Variants in PC observed in about 807,000 individuals in gnomAD.
PC encodes the protein pyruvate carboxylase, mitochondrial.
In PC, 46 loss-of-function variants were observed where a neutral mutation model predicts 107.8. The ratio of observed to expected loss-of-function variants is 0.43; its 90% CI spans 0.34 to 0.55. PC has a LOEUF of 0.55. PC is among the 20% of genes least tolerant of loss of function. The pLI, the probability that PC is intolerant of heterozygous loss-of-function variation, is 0.04. For missense variants in PC, 1,241 were observed against 1,643.1 expected (o/e 0.76, Z 4.23); for synonymous variants, 662 against 684.7 (o/e 0.97, Z 0.52).
chr11:66,927,231 A>G (rs1166619274), intron 3 of PC, among the ~76,000 whole-genome samples: 1 of 138,820 alleles, frequency 7.2e-6, no homozygotes, highest in Non-Finnish European at 1.5e-5. Context: ...GTAATTTTTA[A>G]CTATCCAGGC....
At chr11:66,874,578 A>G (rs1946902646) in intron 3 of PC, among the ~76,000 whole-genome samples, 1 of 152,196 alleles carries the variant, frequency 6.6e-6, no homozygotes, top group Admixed American at 6.5e-5. Context: ...CAAGGAAATA[A>G]GTAGAAGAAA....
At position 66,857,441 on chromosome 11, in the gene PC, A is replaced by C; in HGVS notation, c.1369-4058T>G. The C allele has an allele frequency of 3.0e-6, 1 of 338,702 alleles. No homozygotes were observed. The highest frequency in any genetic ancestry group is 5.3e-6 in the Non-Finnish European group (1 of 187,660). The allele number at this position is 338,702 out of a possible 1,614,324, so 21.0% of individuals were successfully genotyped here. A position where few individuals can be genotyped will look rare whatever the true frequency, so the allele number is the denominator to read the frequency against. ...TGGCGATTCCTGGGGACGCCTGGGAAAGGAAGTTCCGGGACCCTCCCTGCT... is the reference window on the plus strand; with the variant it reads ...TGGCGATTCCTGGGGACGCCTGGGACAGGAAGTTCCGGGACCCTCCCTGCT... On this transcript the variant is annotated intron_variant, in intron 12 of 22. Coordinates refer to ENST00000393960, the MANE Select transcript of PC (RefSeq NM_001040716.2). The surrounding 1 kb of genome is among the most constrained non-coding windows in gnomAD (Gnocchi z 7.1).
chr11:66,857,494 T>A lies in PC; in HGVS notation c.1369-4111A>T, dbSNP rs1351724757. 2 of 480,036 alleles carry A rather than the reference T, an allele frequency of 4.2e-6. No homozygotes were observed. Among genetic ancestry groups the A allele is most frequent in the Non-Finnish European group, 7.3e-6 (2 of 273,020 alleles). The allele number at this position is 480,036 out of a possible 1,614,324, so 29.7% of individuals were successfully genotyped here. On this transcript the variant is annotated intron_variant, in intron 12 of 22. Transcript: ENST00000393960. This position sits in a 1 kb window ranked among gnomAD's most constrained non-coding sequence, Gnocchi z 7.1. ...CGGTCCTCCTCCGCTTCCTGCCTCA[T>A]GCCTCACCTTGTCCCCAGCGCCTGG...
chr11:66,934,011 T>C (rs1044077148), intron 3 of PC, among the ~76,000 whole-genome samples: 1 of 152,194 alleles, frequency 6.6e-6, no homozygotes, highest in African/African-American at 2.4e-5. Flanking sequence ...CAGTGATCAA[T>C]GCAGGCACAA....
chr11:66,883,076 C>A (rs1400074462), intron 3 of PC, among the ~76,000 whole-genome samples: 1 of 152,214 alleles, frequency 6.6e-6, no homozygotes, highest in African/African-American at 2.4e-5. Flanking sequence ...GCCGGCTGCT[C>A]CAAGTGGCAC....
In PC at chr11:66,870,853, G is replaced by C; in HGVS notation, c.673C>G (p.Leu225Val). ...ENYTRAYSEALAAFGNGALFV... is the reference protein window; with the variant it reads ...ENYTRAYSEAVAAFGNGALFV... ...AGCGCCCCATTCCCAAAGGCGGCCA[G>C]AGCCTCTGAGTAGGCCCGGGTGTAA... The change falls in exon 8 of 23, where the codon CTG (leucine) becomes GTG (valine). Residue 225 changes from leucine (L) to valine (V), a missense_variant. Physicochemically the swap from Leu to Val is conservative, Grantham distance 32. Around this residue, in one of 2 missense-constraint regions of PC, gnomAD observed 1,143 missense variants for 1,551.9 expected, o/e 0.74. Transcript: ENST00000393960. The surrounding 1 kb of genome is among the most constrained non-coding windows in gnomAD (Gnocchi z 6.1). The C allele has an allele frequency of 6.2e-7, 1 of 1,613,610 alleles. No homozygotes were observed. The highest frequency in any genetic ancestry group is 8.5e-7 in the Non-Finnish European group (1 of 1,180,000).
intron 3 of PC, among the ~76,000 whole-genome samples, chr11:66,923,563 C>T (rs1286199083): frequency 6.6e-6 from 1 of 151,492 alleles, no homozygotes; most frequent in African/African-American, 2.4e-5. Flanking sequence ...CAGGCTGGAG[C>T]GTAGTAGTGG....
chr11:66,896,082 CT>C (rs1195583572), intron 3 of PC, among the ~76,000 whole-genome samples: 6 of 150,326 alleles, frequency 4.0e-5, no homozygotes, highest in South Asian at 2.1e-4. Context: ...CTGAAATTCT[CT>C]TTTTTTTTTC....
chr11:66,955,300 C>T (rs1205812586), intron 1 of PC, among the ~76,000 whole-genome samples: 1 of 152,160 alleles, frequency 6.6e-6, no homozygotes, highest in East Asian at 1.9e-4. Context: ...CCAGAGCCCC[C>T]ATGAGTGGTG....
intron 3 of PC, among the ~76,000 whole-genome samples, chr11:66,883,932 A>T (rs528249682): frequency 2.1e-4 from 31 of 144,880 alleles, no homozygotes; most frequent in South Asian, 4.2e-4. Context: ...CCAAAAAATT[A>T]AAAAAAAAAC....
intron 3 of PC, among the ~76,000 whole-genome samples, chr11:66,918,539 ATT>A (rs1948517237): frequency 6.6e-6 from 1 of 151,598 alleles, no homozygotes; most frequent in Non-Finnish European, 1.5e-5. Context: ...AGTCCAGCTA[ATT>A]TTTTGTATTT....
chr11:66,865,666 G>A (rs1032952926), intron 11 of PC, among the ~76,000 whole-genome samples: 1 of 152,084 alleles, frequency 6.6e-6, no homozygotes, highest in Non-Finnish European at 1.5e-5. Flanking sequence ...CCATCTCGCG[G>A]CCCCGAATCT....
intron 3 of PC, among the ~76,000 whole-genome samples, chr11:66,882,780 C>A (rs574340695): frequency 7.9e-5 from 12 of 152,298 alleles, no homozygotes; most frequent in African/African-American, 2.9e-4. Context: ...CCCCAGGCGG[C>A]TCTGCTCTAA....
chr11:66,947,399 C>G (rs1043877556), intron 3 of PC, among the ~76,000 whole-genome samples: 3 of 151,500 alleles, frequency 2.0e-5, no homozygotes, highest in Admixed American at 2.0e-4. Flanking sequence ...CTGGCTAACA[C>G]AGTGAAACCC....
chr11:66,906,351 C>T (rs1175870384), intron 3 of PC, among the ~76,000 whole-genome samples: 3 of 152,128 alleles, frequency 2.0e-5, no homozygotes, highest in African/African-American at 4.8e-5. Context: ...ACCAAGCACA[C>T]AAACAAGACC....
chr11:66,858,665 C>G lies in PC; in HGVS notation c.1368+5109G>C. 1 of 1,543,752 alleles carries G rather than the reference C, an allele frequency of 6.5e-7. No individual in the cohort carries two copies. Among genetic ancestry groups the G allele is most frequent in the Non-Finnish European group, 8.7e-7 (1 of 1,144,074 alleles). ...CGCTGCGGTGCCGGGCCCTGGGTGA[C>G]CCCGCGCCTACCATGCACTGGGTCG... On this transcript the variant is annotated intron_variant, in intron 12 of 22. Transcript: ENST00000393960. This position sits in a 1 kb window ranked among gnomAD's most constrained non-coding sequence, Gnocchi z 5.9.
intron 3 of PC, among the ~76,000 whole-genome samples, chr11:66,901,617 C>T (rs559818488): frequency 1.3e-5 from 2 of 152,126 alleles, no homozygotes; most frequent in African/African-American, 4.8e-5. Flanking sequence ...ATTACAGGCA[C>T]CTGCCACCAT....
At chr11:66,903,769 A>T (rs71462361) in intron 3 of PC, among the ~76,000 whole-genome samples, 18,435 of 80,236 alleles carry the variant, frequency 0.23, 1,678 homozygotes, top group South Asian at 0.35. Context: ...AAAAAAAAAA[A>T]AAAAATATAT....
At position 66,922,553 on chromosome 11, in the gene PC, T is replaced by TAA. The variant is rs1198835228; in HGVS notation, c.-1+29875_-1+29876dup. On this transcript the variant is annotated intron_variant, in intron 3 of 22. Transcript: ENST00000393960. ...AGATCGAAAGAGCAAGACTTTGTCT[T>TAA]AAAAAAAAAAAAAAAAAAAAAAAAA... Among the ~76,000 whole-genome samples, 283 of 84,300 alleles carry TAA rather than the reference T, an allele frequency of 3.4e-3. 2 individuals carry two copies. The highest frequency in any genetic ancestry group is 4.0e-3 in the African/African-American group (88 of 22,266). The allele number at this position is 84,300 out of a possible 152,430, so 55.3% of individuals were successfully genotyped here. A position where few individuals can be genotyped will look rare whatever the true frequency, so the allele number is the denominator to read the frequency against.
Sources: allele counts gnomAD v4.1 joint callset (sites outside exome capture counted in the v4.1 genomes callset), GRCh38; gene constraint gnomAD v4.1.1; regional missense constraint gnomAD v4.1.1; non-coding constraint Gnocchi (gnomAD v3.1); transcripts MANE v1.5; gene names NCBI Gene and HGNC (gene_info 2026-07-23, HGNC 2026-07-21).